Variants in DLG2 observed in about 807,000 individuals in gnomAD.
The protein encoded by DLG2 is discs large MAGUK scaffold protein 2, also known as disks large homolog 2.
DLG2 carries 45 observed loss-of-function variants against 132.5 expected under a neutral mutation model. The observed-to-expected ratio is 0.34, with a 90% CI of 0.27 to 0.44. The LOEUF (loss-of-function observed/expected upper bound fraction) is 0.44, where lower values mean the gene tolerates loss of function less well. Ranked by LOEUF, DLG2 falls within the 20% of genes least tolerant of loss-of-function variation. The pLI is 1.00. For missense variants in DLG2, 1,045 were observed against 1,196.9 expected, an observed-to-expected ratio of 0.87 and a Z score of 1.87; for synonymous variants, 424 against 419.6, an observed-to-expected ratio of 1.01 and a Z score of -0.13.
At chr11:84,521,358 C>T (rs1348733374) in intron 7 of DLG2, among the ~76,000 whole-genome samples, 2 of 152,180 alleles carry the variant, frequency 1.3e-5, no homozygotes, top group East Asian at 3.8e-4. Context: ...GAAACAGAGA[C>T]ATAAACTCAG....
At chr11:84,696,082 A>G (rs902677241) in intron 6 of DLG2, among the ~76,000 whole-genome samples, 2 of 151,550 alleles carry the variant, frequency 1.3e-5, no homozygotes, top group Non-Finnish European at 3.0e-5. Flanking sequence ...AACAAAATTG[A>G]ATGAGTAGAA....
At chr11:83,741,952 G>A (rs745985310) in intron 18 of DLG2, among the ~76,000 whole-genome samples, 13 of 152,018 alleles carry the variant, frequency 8.6e-5, no homozygotes, top group Non-Finnish European at 1.8e-4. Context: ...AGACACACTG[G>A]AACTCTTCCC....
At chr11:84,533,629 A>T (rs1175346682) in intron 7 of DLG2, among the ~76,000 whole-genome samples, 2 of 152,152 alleles carry the variant, frequency 1.3e-5, no homozygotes, top group African/African-American at 4.8e-5. Flanking sequence ...ATGTTTTTGC[A>T]GGTATAATAA....
intron 3 of DLG2, among the ~76,000 whole-genome samples, chr11:85,583,124 G>A (rs868337009): frequency 0.022 from 880 of 40,140 alleles, 7 homozygotes; most frequent in Middle Eastern, 0.043. Context: ...GTGTGTGTGT[G>A]TGTGTGTATA....
At chr11:84,359,580 C>T (rs565053890) in intron 7 of DLG2, among the ~76,000 whole-genome samples, 7 of 151,922 alleles carry the variant, frequency 4.6e-5, no homozygotes, top group African/African-American at 1.4e-4. Flanking sequence ...GTTTATGAAA[C>T]TAAGGAGAAA....
intron 8 of DLG2, among the ~76,000 whole-genome samples, chr11:84,191,882 A>C (rs1322959903): frequency 6.6e-6 from 1 of 152,114 alleles, no homozygotes; most frequent in Non-Finnish European, 1.5e-5. Flanking sequence ...TTGTGTATAG[A>C]ATCTTCTGTT....
intron 2 of DLG2, chr11:85,625,250 C>T (rs1332541806): frequency 6.6e-6 from 1 of 152,136 alleles, no homozygotes; most frequent in Non-Finnish European, 1.5e-5. Context: ...AAAAGAAACT[C>T]TCTAGAGAAA....
At chr11:83,544,668 G>A (rs1245401706) in intron 19 of DLG2, among the ~76,000 whole-genome samples, 6 of 152,088 alleles carry the variant, frequency 3.9e-5, no homozygotes, top group Non-Finnish European at 2.9e-5. Context: ...CCCTTATTAG[G>A]TGGTCTGGCA....
intron 6 of DLG2, chr11:84,545,528 C>A: frequency 2.5e-6 from 1 of 392,186 alleles, no homozygotes; most frequent in Non-Finnish European, 5.0e-6. Flanking sequence ...AAGCACTAGC[C>A]TTCTCTTGCT....
chr11:83,688,315 C>T lies in DLG2; in HGVS notation c.1826-54990G>A, dbSNP rs570502666. On this transcript the variant is annotated intron_variant, in intron 18 of 27. Coordinates refer to ENST00000376104, the MANE Select transcript of DLG2 (RefSeq NM_001142699.3). ...GCTTTTGACTTGATCCATTTTCTTTCGGGTTCAGGATTTGTGGGCTTGTGC... is the reference window on the plus strand; with the variant it reads ...GCTTTTGACTTGATCCATTTTCTTTTGGGTTCAGGATTTGTGGGCTTGTGC... Among the ~76,000 whole-genome samples, 163 of 152,200 alleles carry T rather than the reference C, an allele frequency of 1.1e-3. 1 individual carries two copies. Among genetic ancestry groups the T allele is most frequent in the South Asian group, 8.9e-3 (43 of 4,826 alleles).
At chr11:83,638,757 A>G (rs1267931414) in intron 18 of DLG2, among the ~76,000 whole-genome samples, 1 of 152,160 alleles carries the variant, frequency 6.6e-6, no homozygotes, top group Non-Finnish European at 1.5e-5. Context: ...GGGTACTCTC[A>G]TAAGTTCATA....
chr11:84,074,137 T>C (rs1185851804), intron 10 of DLG2, among the ~76,000 whole-genome samples: 1 of 152,200 alleles, frequency 6.6e-6, no homozygotes, highest in African/African-American at 2.4e-5. Context: ...AATTTATTTG[T>C]TTTCTTATTT....
chr11:84,393,330 G>A lies in DLG2; in HGVS notation c.519+141240C>T, dbSNP rs575545643. Reference sequence around the variant, plus strand: ...GATATATGTATATAAAACATATATAGAAGAGTATATAAAATATGTGCAGTT... The same window carrying A: ...GATATATGTATATAAAACATATATAAAAGAGTATATAAAATATGTGCAGTT... On this transcript the variant is annotated intron_variant, in intron 7 of 27. Transcript: ENST00000376104. 3.3e-5 allele frequency among the ~76,000 whole-genome samples: 5 copies of A among 152,202 alleles called. No individual in the cohort carries two copies. In the South Asian group the frequency reaches 1.0e-3, roughly 32 times the overall value.
intron 6 of DLG2, among the ~76,000 whole-genome samples, chr11:84,980,142 G>T (rs990246576): frequency 6.6e-6 from 1 of 152,152 alleles, no homozygotes; most frequent in Non-Finnish European, 1.5e-5. Context: ...GTGTCAAGTA[G>T]TCAGTTGTAA....
intron 15 of DLG2, among the ~76,000 whole-genome samples, chr11:83,881,031 GT>G (rs1254091782): frequency 1.3e-5 from 1 of 75,128 alleles, no homozygotes; most frequent in East Asian, 4.1e-4. Flanking sequence ...AGTAATAGTG[GT>G]TTTTTCCATT....
chr11:84,828,573 T>C (rs1453761694), intron 6 of DLG2, among the ~76,000 whole-genome samples: 2 of 151,808 alleles, frequency 1.3e-5, no homozygotes, highest in African/African-American at 4.8e-5. Flanking sequence ...TGTTACCACC[T>C]ATACTCATCT....
chr11:85,520,830 A>T (rs1363412615), intron 3 of DLG2, among the ~76,000 whole-genome samples: 1 of 152,104 alleles, frequency 6.6e-6, no homozygotes, highest in Non-Finnish European at 1.5e-5. Context: ...ATGAAATTAG[A>T]CCCCTATCTC....
At chr11:85,456,344 G>C (rs1449065187) in intron 3 of DLG2, among the ~76,000 whole-genome samples, 1 of 151,902 alleles carries the variant, frequency 6.6e-6, no homozygotes, top group Non-Finnish European at 1.5e-5. Flanking sequence ...TGTTTATTTG[G>C]ATTTTCTATA....
chr11:84,487,897 C>T (rs536419478), intron 7 of DLG2, among the ~76,000 whole-genome samples: 18 of 152,034 alleles, frequency 1.2e-4, no homozygotes, highest in Non-Finnish European at 1.9e-4. Context: ...TGAACAAATA[C>T]GGAAGGAAAA....
Sources: allele counts gnomAD v4.1 joint callset (sites outside exome capture counted in the v4.1 genomes callset), GRCh38; gene constraint gnomAD v4.1.1; transcripts MANE v1.5; gene names NCBI Gene and HGNC (gene_info 2026-07-23, HGNC 2026-07-21).